Variants in ALOXE3 observed in about 807,000 individuals in gnomAD.
ALOXE3 encodes the protein arachidonate epidermal lipoxygenase 3.
A neutral mutation model predicts 87.5 loss-of-function variants in ALOXE3; 78 were observed. The ratio of observed to expected loss-of-function variants is 0.89; its 90% CI spans 0.74 to 1.08. ALOXE3 has a LOEUF of 1.08. Among genes scored for constraint, ALOXE3 ranks in the 50% least tolerant of loss-of-function variants. ALOXE3 has a pLI of 0.00. For missense variants in ALOXE3, 946 were observed against 912.4 expected, an observed-to-expected ratio of 1.04 and a Z score of -0.47; for synonymous variants, 363 against 370.8, an observed-to-expected ratio of 0.98 and a Z score of 0.24.
intron 2 of ALOXE3, 126 bp from the exon 3 acceptor site, chr17:8,117,106 A>G (rs988811159): frequency 1.0e-5 from 9 of 884,564 alleles, no homozygotes; most frequent in South Asian, 7.8e-5. Context: ...CCCAGCCCAT[A>G]CCGGGCTTTT....
chr17:8,102,030 T>A (rs1277764214), intron 15 of ALOXE3, among the ~76,000 whole-genome samples: 1 of 152,018 alleles, frequency 6.6e-6, no homozygotes, highest in Non-Finnish European at 1.5e-5. Flanking sequence ...GACGGCTGGG[T>A]GGAAACAAAG....
chr17:8,099,700 G>T (rs549687408), intron 15 of ALOXE3, among the ~76,000 whole-genome samples: 5 of 151,074 alleles, frequency 3.3e-5, no homozygotes, highest in Admixed American at 2.6e-4. Flanking sequence ...CTGCATTTGT[G>T]GTTATACGCC....
In ALOXE3 at chr17:8,096,683, C is replaced by G. The variant is rs149196903; in HGVS notation, c.2080G>C (p.Ala694Pro). The G allele has an allele frequency of 8.8e-6, 14 of 1,582,682 alleles. No individual in the cohort carries two copies. The African/African-American group carries it at 1.9e-4, about 21-fold the overall frequency. The change falls in exon 16 of 16, where the codon GCA (alanine) becomes CCA (proline). Residue 694 changes from alanine (A) to proline (P), a missense_variant. Ala to Pro is a conservative substitution (Grantham distance 27). Coordinates refer to ENST00000448843, the MANE Select transcript of ALOXE3 (RefSeq NM_021628.3). ...RDIQERNQGL[A>P]LPYTYLDPPL... ...GGGTCCAGGTAGGTGTAGGGCAGTG[C>G]CAGACCCTGGTTCCGCTCCTGGATG...
At chr17:8,107,019 T>C (rs978836487) in intron 13 of ALOXE3, among the ~76,000 whole-genome samples, 4 of 152,086 alleles carry the variant, frequency 2.6e-5, no homozygotes, top group Non-Finnish European at 5.9e-5. Flanking sequence ...ATCTGAAGAG[T>C]GTTCTGATGC....
At chr17:8,104,812 A>G (rs1979171910) in intron 13 of ALOXE3, among the ~76,000 whole-genome samples, 2 of 152,234 alleles carry the variant, frequency 1.3e-5, no homozygotes, top group Admixed American at 1.3e-4. Context: ...CCTCCAATGG[A>G]AAAAAGACAA....
Position 8,096,722 on chromosome 17 carries a change from G to A in ALOXE3, c.2041C>T (p.Gln681Ter), listed in dbSNP as rs762424839. The change falls in exon 16 of 16, where the codon CAG becomes TAG. Residue 681 changes from glutamine to a stop codon, truncating the protein, a stop_gained. Coordinates refer to ENST00000448843, the MANE Select transcript of ALOXE3 (RefSeq NM_021628.3). LOFTEE classifies it high-confidence loss of function. The stretch of plus-strand genomic sequence containing the variant: ...CGCTCCTGGATGTCCCTTGAGATCT[G>A]GGCCAGGCGGCTCTGGAAGGCGGCG... The part of the protein sequence containing the change: ...SIAAFQSRLA[Q>*]ISRDIQERNQ... 1.9e-6 allele frequency: 3 copies of A among 1,613,638 alleles called. No individual in the cohort carries two copies. The Admixed American group carries it at 5.0e-5, about 27-fold the overall frequency.
Position 8,111,451 on chromosome 17 carries a change from A to G in ALOXE3, c.865T>C (p.Cys289Arg), listed in dbSNP as rs769107969. The stretch of plus-strand genomic sequence containing the variant: ...AGCTTGCTGGGCAAGCTAGAGATGC[A>G]GTGGAGCATGACGGGATTGACACCA... The part of the protein sequence containing the change: ...LNGVNPVMLH[C>R]ISSLPSKLPV... The change falls in exon 8 of 16, where the codon TGC becomes CGC. Residue 289 changes from cysteine (C) to arginine (R), a missense_variant. Transcript: ENST00000448843. 47 of 1,614,048 alleles carry G rather than the reference A, an allele frequency of 2.9e-5. No homozygotes were observed. The highest frequency in any genetic ancestry group is 3.7e-5 in the Non-Finnish European group (44 of 1,180,036).
chr17:8,100,998 T>C (rs1345098627), intron 15 of ALOXE3, among the ~76,000 whole-genome samples: 10 of 151,692 alleles, frequency 6.6e-5, no homozygotes, highest in Non-Finnish European at 2.9e-5. Context: ...TGAACATTTA[T>C]ATGCCAGCAC....
chr17:8,109,376 G>C (rs368485942), intron 11 of ALOXE3, 33 bp from the exon 12 acceptor site: 1 of 1,608,438 alleles, frequency 6.2e-7, no homozygotes, highest in Non-Finnish European at 8.5e-7. Context: ...CTCCCGGGCC[G>C]GCCCAATCCC....
intron 12 of ALOXE3, 23 bp from the exon 13 acceptor site, chr17:8,108,612 C>T (rs887851208): frequency 3.1e-6 from 5 of 1,606,466 alleles, no homozygotes; most frequent in African/African-American, 2.7e-5. Flanking sequence ...GATGCTGGTA[C>T]CACTGGAGTA....
At chr17:8,110,800 C>T (rs998235753) in intron 8 of ALOXE3, among the ~76,000 whole-genome samples, 5 of 152,230 alleles carry the variant, frequency 3.3e-5, no homozygotes, top group African/African-American at 1.2e-4. Context: ...GTCCTTCCCA[C>T]TCTCAACTCA....
In ALOXE3 at chr17:8,097,550, T is replaced by G. The variant is rs115029384; in HGVS notation, c.1957-744A>C. 6.5e-3 allele frequency among the ~76,000 whole-genome samples: 989 copies of G among 152,218 alleles called. 12 individuals are homozygous for G. The highest frequency in any genetic ancestry group is 0.022 in the African/African-American group (910 of 41,538). ...TCACCATCATCCTCCACTGCCACAC[T>G]TTACAGCACAGCCAATCACTATCGA... is the stretch of plus-strand genomic sequence containing the variant. On this transcript the variant is annotated intron_variant, in intron 15 of 15. Coordinates refer to ENST00000448843, the MANE Select transcript of ALOXE3 (RefSeq NM_021628.3).
At position 8,110,491 on chromosome 17, in the gene ALOXE3, GCCAGGAT is replaced by G. The variant is rs1295644069; in HGVS notation, c.988_994del (p.Ile330ArgfsTer8). ...GTTTAGGCAGTGGGTGGGGGCCTCC[GCCAGGAT>G]CCAGTAGTCCGCTAGGAAGATGTTC... On this transcript the variant is annotated frameshift_variant, in exon 9 of 16. Transcript: ENST00000448843. LOFTEE classifies it high-confidence loss of function. The G allele has an allele frequency of 6.2e-7, 1 of 1,613,780 alleles. No individual in the cohort carries two copies. The highest frequency in any genetic ancestry group is 8.5e-7 in the Non-Finnish European group (1 of 1,179,908).
chr17:8,109,100 A>G (rs1172746206), intron 12 of ALOXE3, 74 bp downstream of exon 12: 38 of 1,591,376 alleles, frequency 2.4e-5, no homozygotes, highest in Non-Finnish European at 3.2e-5. Flanking sequence ...CCCAGGCGCC[A>G]TGAGCGCAGG....
chr17:8,116,623 TG>T (rs889985551), intron 3 of ALOXE3, among the ~76,000 whole-genome samples, 152 bp downstream of exon 3: 2 of 152,224 alleles, frequency 1.3e-5, no homozygotes, highest in Non-Finnish European at 2.9e-5. Context: ...TTTCAGGGCT[TG>T]AGAGGCTCCC....
intron 13 of ALOXE3, among the ~76,000 whole-genome samples, chr17:8,107,873 GAA>G (rs1171579901): frequency 2.6e-4 from 1 of 3,822 alleles, no homozygotes; most frequent in African/African-American, 1.4e-3. Context: ...AAGAAAGAAA[GAA>G]AGAAAGAAAG....
intron 12 of ALOXE3, 40 bp downstream of exon 12, chr17:8,109,134 G>C (rs760291682): frequency 3.7e-6 from 6 of 1,608,882 alleles, no homozygotes; most frequent in Non-Finnish European, 4.2e-6. Context: ...CAGGCCAGGA[G>C]ACCCTGGTGG....
At chr17:8,118,870 C>T (rs1454521668), upstream of ALOXE3, 3 of 1,519,156 alleles carry the variant, frequency 2.0e-6, no homozygotes, top group Non-Finnish European at 1.8e-6. Flanking sequence ...GGGGAGGAAC[C>T]TCTCAGAGAA....
In ALOXE3 at chr17:8,103,325, G is replaced by A. The variant is rs1163280866; in HGVS notation, c.1954C>T (p.Gln652Ter). ...FWLVSQEPKD[Q>*]RPLGTYPDEH... ...CCCTCAACATCCCGTATACACACCT[G>A]GTCCTTGGGTTCTTGGCTAACCAAC... is the stretch of plus-strand genomic sequence containing the variant. The change falls in exon 15 of 16, where the codon CAG (glutamine) becomes TAG (stop). Residue 652 changes from glutamine (Q) to a stop codon, truncating the protein, a stop_gained and splice_region_variant. Transcript: ENST00000448843. LOFTEE classifies it high-confidence loss of function. 4 of 1,613,750 alleles carry A rather than the reference G, an allele frequency of 2.5e-6. No homozygotes were observed. The highest frequency in any genetic ancestry group is 3.4e-6 in the Non-Finnish European group (4 of 1,179,826).
Sources: gnomAD v4.1 joint callset for allele counts (sites outside exome capture counted in the v4.1 genomes callset) on GRCh38, gnomAD v4.1.1 for gene constraint, MANE v1.5 for transcripts, NCBI Gene and HGNC (gene_info 2026-07-23, HGNC 2026-07-21) for gene names.